The following RAF1 variants were observed in gnomAD, a reference collection of about 807,000 sequenced individuals.
The protein encoded by RAF1 is Raf-1 proto-oncogene, serine/threonine kinase, also known as RAF proto-oncogene serine/threonine-protein kinase.
In RAF1, 27 loss-of-function variants were observed where a neutral mutation model predicts 81.1. The observed-to-expected ratio is 0.33, with a 90% CI of 0.25 to 0.46. The LOEUF (loss-of-function observed/expected upper bound fraction) is 0.46, where lower values mean the gene tolerates loss of function less well. Ranked by LOEUF, RAF1 falls within the 20% of genes least tolerant of loss-of-function variation. The probability of loss-of-function intolerance (pLI) is 1.00; values close to 1 mark genes in which losing one functional copy is unlikely to be tolerated. For missense variants in RAF1, 598 were observed against 826.0 expected (o/e 0.72, Z 3.38); for synonymous variants, 298 against 294.0 (o/e 1.01, Z -0.14).
At chr3:12,623,495 C>T (rs2059607943) in intron 1 of RAF1, among the ~76,000 whole-genome samples, 1 of 152,194 alleles carries the variant, frequency 6.6e-6, no homozygotes, top group East Asian at 1.9e-4. Context: ...AGACCACTTA[C>T]AGCTTAAGAG....
At chr3:12,620,580 C>A (rs1205026203) in intron 1 of RAF1, among the ~76,000 whole-genome samples, 1 of 152,136 alleles carries the variant, frequency 6.6e-6, no homozygotes, top group African/African-American at 2.4e-5. Context: ...AAATGATTCT[C>A]CTACCTCAGC....
rs5746196 is a variant in RAF1 at position 12,612,147 on chromosome 3, G to A, written c.208-85C>T. 1,814 of 1,053,150 alleles carry A rather than the reference G, an allele frequency of 1.7e-3. 11 individuals carry two copies. In the African/African-American group the frequency reaches 0.024, roughly 14 times the overall value. 65.2% of individuals were successfully genotyped at this position (1,053,150 alleles called of 1,614,324 possible). On this transcript the variant is annotated intron_variant, in intron 2 of 17. Transcript: ENST00000442415. ...GGCACAGAAATAAATGCACCAGTCT[G>A]TATTGCTTGTGATGGCCCACGCACA...
intron 1 of RAF1, among the ~76,000 whole-genome samples, chr3:12,632,602 TAAAAGA>T (rs1236120847): frequency 1.3e-5 from 2 of 152,266 alleles, no homozygotes; most frequent in East Asian, 3.9e-4. Context: ...ATCAGCAACT[TAAAAGA>T]AAGAGACTAT....
At chr3:12,606,121 C>T in intron 6 of RAF1, 80 bp downstream of exon 6, 4 of 1,053,378 alleles carry the variant, frequency 3.8e-6, no homozygotes, top group Non-Finnish European at 1.5e-6. Flanking sequence ...TGCGAAGAAA[C>T]TCTTATTTTT....
intron 11 of RAF1, among the ~76,000 whole-genome samples, 192 bp downstream of exon 10, chr3:12,599,499 T>TA (rs1411172726): frequency 6.6e-6 from 1 of 152,202 alleles, no homozygotes; most frequent in Non-Finnish European, 1.5e-5. Context: ...AATTTCTAAT[T>TA]ATCCTGGGAG....
chr3:12,585,884 A>C lies in RAF1; in HGVS notation c.1478-85T>G. 4 of 931,768 alleles carry C rather than the reference A, an allele frequency of 4.3e-6. No homozygotes were observed. In the South Asian group the frequency reaches 5.2e-5, roughly 12 times the overall value. 57.7% of individuals were successfully genotyped at this position (931,768 alleles called of 1,614,324 possible). Reference sequence around the variant, plus strand: ...TCCCAAAGTTCTTTATAACACGGTAATCTCTCCACCTTACCTCTGTCACAG... The same window carrying C: ...TCCCAAAGTTCTTTATAACACGGTACTCTCTCCACCTTACCTCTGTCACAG... On this transcript the variant is annotated intron_variant, in intron 14 of 17. Coordinates refer to ENST00000442415, the MANE Select transcript of RAF1 (RefSeq NM_001354689.3).
chr3:12,626,103 T>G (rs529355366), intron 1 of RAF1, among the ~76,000 whole-genome samples: 24 of 151,436 alleles, frequency 1.6e-4, no homozygotes, highest in African/African-American at 4.6e-4. Context: ...CTATTTCTAC[T>G]AAAAATACAA....
At chr3:12,634,058 A>G (rs571247101) in intron 1 of RAF1, among the ~76,000 whole-genome samples, 1 of 152,220 alleles carries the variant, frequency 6.6e-6, no homozygotes, top group South Asian at 2.1e-4. Flanking sequence ...CCAATTTACA[A>G]TAATCAGCAA....
chr3:12,622,782 C>T (rs745992801), intron 1 of RAF1, among the ~76,000 whole-genome samples: 4 of 152,196 alleles, frequency 2.6e-5, no homozygotes, highest in Non-Finnish European at 4.4e-5. Flanking sequence ...AATAATGCTA[C>T]AAAAACAGTA....
chr3:12,605,248 T>TTGTGTGTGTG (rs745742208), intron 6 of RAF1, among the ~76,000 whole-genome samples: 18 of 111,652 alleles, frequency 1.6e-4, no homozygotes, highest in African/African-American at 1.6e-4. Flanking sequence ...TGATTACACA[T>TTGTGTGTGTG]TATGTGTGTG....
intron 1 of RAF1, among the ~76,000 whole-genome samples, chr3:12,648,681 G>A (rs951732326): frequency 6.6e-6 from 1 of 152,108 alleles, no homozygotes; most frequent in African/African-American, 2.4e-5. Flanking sequence ...AGGAAGCAGA[G>A]GTGGCTGTGA....
chr3:12,612,233 G>C (rs917979396), intron 2 of RAF1, among the ~76,000 whole-genome samples, 171 bp from the exon 3 acceptor site: 21 of 152,300 alleles, frequency 1.4e-4, no homozygotes, highest in African/African-American at 4.8e-4. Flanking sequence ...TGGAGTGTGA[G>C]ACATCTGTAT....
chr3:12,652,496 G>A (rs35750419), intron 1 of RAF1, among the ~76,000 whole-genome samples: 53,746 of 151,982 alleles, frequency 0.35, 12,198 homozygotes, highest in East Asian at 0.89. Context: ...ACTCCAGCCT[G>A]GGCGACAAAG....
intron 14 of RAF1, 36 bp from the exon 14 acceptor site, chr3:12,585,835 T>A: frequency 1.3e-6 from 2 of 1,481,938 alleles, no homozygotes; most frequent in South Asian, 2.3e-5. Context: ...TTCAAAAGAA[T>A]GGTCAGGTTA....
intron 1 of RAF1, among the ~76,000 whole-genome samples, chr3:12,650,229 T>C (rs534074999): frequency 2.3e-4 from 34 of 148,984 alleles, no homozygotes; most frequent in African/African-American, 7.7e-4. Context: ...GAGGCTAAGA[T>C]AGAAGGATTG....
chr3:12,591,299 T>C (rs2058508122), intron 12 of RAF1, among the ~76,000 whole-genome samples: 1 of 152,270 alleles, frequency 6.6e-6, no homozygotes, highest in South Asian at 2.1e-4. Flanking sequence ...ATATGACTTA[T>C]TCCTACAAGT....
intron 1 of RAF1, among the ~76,000 whole-genome samples, chr3:12,655,519 T>C (rs1051281410): frequency 6.6e-6 from 1 of 152,216 alleles, no homozygotes; most frequent in African/African-American, 2.4e-5. Context: ...AGTTTGGCAG[T>C]TCCTCAAAAA....
chr3:12,605,135 A>T (rs1262057351), intron 6 of RAF1, among the ~76,000 whole-genome samples: 1 of 152,234 alleles, frequency 6.6e-6, no homozygotes, highest in African/African-American at 2.4e-5. Context: ...TATCAAGAAA[A>T]ATAAAAGCCA....
Position 12,611,977 on chromosome 3 carries a change from A to G in RAF1, c.293T>C (p.Val98Ala), listed in dbSNP as rs763559779. 35 of 1,614,068 alleles carry G rather than the reference A, an allele frequency of 2.2e-5. No individual in the cohort carries two copies. Among genetic ancestry groups the G allele is most frequent in the Non-Finnish European group, 2.8e-5 (33 of 1,180,030 alleles). ...TTTGTGTTCGTGGAGAAGTCTGAAC[A>G]CTGCACAGCACTCTGGTTGCAGGCC... The change falls in exon 3 of 18, where the codon GTG (valine) becomes GCG (alanine). Residue 98 changes from valine (V) to alanine (A), a missense_variant. Coordinates refer to ENST00000442415, the MANE Select transcript of RAF1 (RefSeq NM_001354689.3).
Sources: gnomAD v4.1 joint callset for allele counts (sites outside exome capture counted in the v4.1 genomes callset) on GRCh38, gnomAD v4.1.1 for gene constraint, MANE v1.5 for transcripts, NCBI Gene and HGNC (gene_info 2026-07-23, HGNC 2026-07-21) for gene names.